The following TEX10 variants were observed in gnomAD, a reference collection of about 807,000 sequenced individuals.
The protein encoded by TEX10 is testis expressed 10, also known as testis-expressed protein 10.
Under a neutral mutation model 104.4 loss-of-function variants are expected in TEX10, and 24 were observed. The observed-to-expected ratio is 0.23, with a 90% confidence interval of 0.17 to 0.32. The LOEUF is 0.32. Among genes scored for constraint, TEX10 ranks in the 10% least tolerant of loss-of-function variants. TEX10 has a pLI of 1.00. For synonymous variants in TEX10, 396 were observed against 393.4 expected, an observed-to-expected ratio of 1.01 and a Z score of -0.08; for missense variants, 921 against 1,083.9, an observed-to-expected ratio of 0.85 and a Z score of 2.11.
chr9:100,329,065 TA>T, intron 7 of TEX10, 74 bp downstream of exon 7: 3 of 1,404,140 alleles, frequency 2.1e-6, no homozygotes, highest in Non-Finnish European at 1.9e-6. Context: ...TTAATCTCTC[TA>T]AAATTATTTA....
chr9:100,311,075 A>T lies in TEX10; in HGVS notation c.2203-696T>A, dbSNP rs577472527. Among the ~76,000 whole-genome samples, 53 of 152,036 alleles carry T rather than the reference A, an allele frequency of 3.5e-4. No homozygotes were observed. In the South Asian group the frequency reaches 5.8e-3, roughly 17 times the overall value. On this transcript the variant is annotated intron_variant, in intron 11 of 14. Transcript: ENST00000374902. ...AAGCAAAACAATGTATAATGCAATC[A>T]TTTTTTCCCCCCAATCAACATTATT...
At chr9:100,348,657 C>T (rs1835360783) in intron 2 of TEX10, among the ~76,000 whole-genome samples, 1 of 152,168 alleles carries the variant, frequency 6.6e-6, no homozygotes, top group Non-Finnish European at 1.5e-5. Flanking sequence ...TTCACGCCTA[C>T]AATCCCAGCA....
chr9:100,303,608 A>C, intron 14 of TEX10, 24 bp downstream of exon 14: 6 of 1,611,614 alleles, frequency 3.7e-6, no homozygotes, highest in Non-Finnish European at 5.1e-6. Flanking sequence ...AATACTGCAA[A>C]GCCTCCGGTA....
Position 100,347,261 on chromosome 9 carries a change from T to C in TEX10, c.326A>G (p.Asp109Gly), listed in dbSNP as rs1432263708. The C allele has an allele frequency of 6.2e-7, 1 of 1,614,048 alleles. No homozygotes were observed. The highest frequency in any genetic ancestry group is 8.5e-7 in the Non-Finnish European group (1 of 1,180,012). Residue 109 changes from aspartate to glycine, a missense_variant, in exon 3 of 15, where the codon GAT becomes GGT. Around this residue, in one of 3 missense-constraint regions of TEX10, gnomAD observed 50 missense variants for 104.2 expected, o/e 0.48. Transcript: ENST00000374902. ...TGCTAATCGTACATTAGCATCTTTA[T>C]CTGTAAACACAGCAGTCACTTCACT... is the stretch of plus-strand genomic sequence containing the variant. Reference protein sequence around the residue: ...ILSEVTAVFTDKDANVRLAAV... With the variant: ...ILSEVTAVFTGKDANVRLAAV...
In TEX10 at chr9:100,351,379, A is replaced by C. The variant is rs3983793; in HGVS notation, c.-10+1393T>G. Among the ~76,000 whole-genome samples the C allele has an allele frequency of 4.8e-3, 669 of 139,706 alleles. 23 individuals are homozygous for C. Among genetic ancestry groups the C allele is most frequent in the African/African-American group, 0.017 (610 of 36,622 alleles). The allele number at this position is 139,706 out of a possible 152,430, so 91.7% of individuals were successfully genotyped here. A position where few individuals can be genotyped will look rare whatever the true frequency, so the allele number is the denominator to read the frequency against. On this transcript the variant is annotated intron_variant, in intron 1 of 14. Transcript: ENST00000374902. ...CCTTAGTCTTAAAAAACAAAACAAA[A>C]CAAAAAAAAAAGCTGGGGGTCGGTG...
intron 4 of TEX10, among the ~76,000 whole-genome samples, chr9:100,343,691 T>C (rs1587741927): frequency 6.6e-6 from 1 of 152,024 alleles, no homozygotes; most frequent in East Asian, 1.9e-4. Flanking sequence ...AGCACCAACA[T>C]GTAAAAGCAA....
rs1588158574 is a variant in TEX10 at position 100,302,109 on chromosome 9, C to T, written c.*82G>A. The stretch of plus-strand genomic sequence containing the variant: ...TTCTTTAAAAGTTCAGCTTTAATGA[C>T]AAAGATCTATTACATCAGTCTTTTT... On this transcript the variant is annotated 3_prime_UTR_variant, in exon 15 of 15. Transcript: ENST00000374902. 6.1e-6 allele frequency: 5 copies of T among 814,214 alleles called. No homozygotes were observed. The East Asian group carries it at 1.3e-4, about 21-fold the overall frequency. The allele number at this position is 814,214 out of a possible 1,614,324, so 50.4% of individuals were successfully genotyped here. A position where few individuals can be genotyped will look rare whatever the true frequency, so the allele number is the denominator to read the frequency against.
At chr9:100,334,314 G>A (rs192362360) in intron 5 of TEX10, among the ~76,000 whole-genome samples, 2 of 151,814 alleles carry the variant, frequency 1.3e-5, no homozygotes, top group African/African-American at 2.4e-5. Context: ...ACTCATAGCT[G>A]ACTTCTTAAC....
intron 13 of TEX10, 174 bp from the exon 14 acceptor site, chr9:100,304,016 A>G: frequency 3.2e-6 from 2 of 631,704 alleles, no homozygotes; most frequent in Non-Finnish European, 2.8e-6. Flanking sequence ...CACACACACT[A>G]AATACCTAGG....
intron 5 of TEX10, among the ~76,000 whole-genome samples, chr9:100,334,425 G>A (rs531232469): frequency 9.8e-4 from 149 of 152,220 alleles, no homozygotes; most frequent in Non-Finnish European, 2.0e-3. Flanking sequence ...CTTCAGAAAT[G>A]CGAGAGAAAT....
At chr9:100,319,573 G>A (rs1834511962) in intron 11 of TEX10, among the ~76,000 whole-genome samples, 1 of 152,128 alleles carries the variant, frequency 6.6e-6, no homozygotes, top group South Asian at 2.1e-4. Context: ...GGGAGGCTGA[G>A]GCTGGTGGAT....
At chr9:100,333,437 AT>A (rs1834922352) in intron 5 of TEX10, among the ~76,000 whole-genome samples, 1 of 152,174 alleles carries the variant, frequency 6.6e-6, no homozygotes, top group Non-Finnish European at 1.5e-5. Flanking sequence ...CTAGCAAGCT[AT>A]TTTGTAATTG....
At chr9:100,312,698 T>C (rs982002637) in intron 11 of TEX10, among the ~76,000 whole-genome samples, 3 of 152,188 alleles carry the variant, frequency 2.0e-5, no homozygotes, top group Non-Finnish European at 2.9e-5. Flanking sequence ...CCAAGTATCA[T>C]ACCAAGAAAG....
intron 13 of TEX10, chr9:100,305,314 G>A (rs1365367641): frequency 6.6e-6 from 1 of 152,104 alleles, no homozygotes; most frequent in Non-Finnish European, 1.5e-5. Flanking sequence ...CTGCACATAT[G>A]GTAATTCCAT....
intron 4 of TEX10, among the ~76,000 whole-genome samples, chr9:100,341,211 C>T (rs1835163269): frequency 6.6e-6 from 1 of 152,198 alleles, no homozygotes; most frequent in East Asian, 1.9e-4. Context: ...AGTGATCCAC[C>T]TACCTTGGCC....
chr9:100,329,833 T>C, intron 6 of TEX10, 98 bp downstream of exon 6: 4 of 1,023,952 alleles, frequency 3.9e-6, no homozygotes, highest in South Asian at 1.5e-5. Context: ...TTAGCCTGAC[T>C]ACATGGAATG....
chr9:100,335,443 C>T (rs564392437), intron 5 of TEX10, among the ~76,000 whole-genome samples: 12 of 151,978 alleles, frequency 7.9e-5, no homozygotes, highest in South Asian at 2.1e-4. Context: ...CCTCATGGTC[C>T]GCTGCCTCAG....
intron 5 of TEX10, among the ~76,000 whole-genome samples, chr9:100,336,411 T>C (rs1051661690): frequency 5.9e-5 from 9 of 152,158 alleles, no homozygotes; most frequent in Admixed American, 5.2e-4. Context: ...CCTCCTGTCA[T>C]ATCAGTAGTG....
intron 13 of TEX10, 95 bp downstream of exon 13, chr9:100,308,405 G>A (rs779645218): frequency 3.3e-4 from 361 of 1,106,158 alleles, no homozygotes; most frequent in Non-Finnish European, 4.3e-4. Context: ...TAAGGTATCT[G>A]TATAACCTAA....
Sources: gnomAD v4.1 joint callset for allele counts (sites outside exome capture counted in the v4.1 genomes callset) on GRCh38, gnomAD v4.1.1 for gene constraint, gnomAD v4.1.1 regional missense constraint, MANE v1.5 for transcripts, NCBI Gene and HGNC (gene_info 2026-07-23, HGNC 2026-07-21) for gene names.